The following FANCL variants were observed in gnomAD, a reference collection of about 807,000 sequenced individuals.
FANCL encodes FA complementation group L.
Under a neutral mutation model 59.4 loss-of-function variants are expected in FANCL, and 69 were observed. That is an observed-to-expected ratio of 1.16 (90% confidence interval 0.96 to 1.42). FANCL has a LOEUF of 1.42. FANCL is among the 40% of genes most tolerant of loss of function. The pLI is 0.00. For synonymous variants in FANCL, 180 were observed against 147.1 expected (o/e 1.22, Z -1.62); for missense variants, 519 against 447.2 (o/e 1.16, Z -1.45).
intron 7 of FANCL, among the ~76,000 whole-genome samples, chr2:58,174,961 G>A (rs962114283): frequency 1.4e-4 from 21 of 152,096 alleles, no homozygotes; most frequent in Non-Finnish European, 2.4e-4. Flanking sequence ...CATCACCACC[G>A]ATCCCACAGA....
At chr2:58,176,915 A>G (rs1687384240) in intron 7 of FANCL, among the ~76,000 whole-genome samples, 1 of 152,094 alleles carries the variant, frequency 6.6e-6, no homozygotes, top group African/African-American at 2.4e-5. Context: ...ATCTACAAAG[A>G]ACTCAAACAA....
At chr2:58,230,500 G>GAAGT (rs1221969917) in intron 2 of FANCL, among the ~76,000 whole-genome samples, 1 of 152,048 alleles carries the variant, frequency 6.6e-6, no homozygotes, top group Non-Finnish European at 1.5e-5. Context: ...AATTGTATAA[G>GAAGT]AAGTGATAAG....
rs532531782 is a variant in FANCL at position 58,241,297 on chromosome 2, G to C, written c.17C>G (p.Ala6Gly). Reference sequence around the variant, plus strand: ...CAGGGGGCACTGGCGCAACAGGCTCGCTTCCGTCACCGCCATGGCTCGAAG... The same window carrying C: ...CAGGGGGCACTGGCGCAACAGGCTCCCTTCCGTCACCGCCATGGCTCGAAG... The part of the protein sequence containing the change: MAVTE[A>G]SLLRQCPLLL... Residue 6 changes from alanine (A) to glycine (G), a missense_variant, in exon 1 of 14, where the codon GCG becomes GGG. Physicochemically the swap from Ala to Gly is moderately conservative, Grantham distance 60 (BLOSUM62 0). Transcript: ENST00000233741. The C allele has an allele frequency of 1.9e-6, 3 of 1,614,194 alleles. No individual in the cohort carries two copies. The highest frequency in any genetic ancestry group is 1.1e-5 in the South Asian group (1 of 91,090).
intron 7 of FANCL, among the ~76,000 whole-genome samples, chr2:58,170,736 A>AC (rs1290232840): frequency 1.1e-4 from 16 of 152,136 alleles, no homozygotes; most frequent in Admixed American, 1.0e-3. Flanking sequence ...AGTATCTGAT[A>AC]AAACAGACTT....
At chr2:58,199,008 G>A (rs759420748) in intron 6 of FANCL, among the ~76,000 whole-genome samples, 11 of 138,810 alleles carry the variant, frequency 7.9e-5, no homozygotes, top group African/African-American at 2.2e-4. Flanking sequence ...CAGCCTGGGC[G>A]ACAGAGTGAA....
At chr2:58,194,318 C>A in intron 7 of FANCL, 1 of 470,526 alleles carries the variant, frequency 2.1e-6, no homozygotes. Flanking sequence ...AATATCAGTG[C>A]ACTTAAAATC....
chr2:58,174,444 G>A (rs974936169), intron 7 of FANCL, among the ~76,000 whole-genome samples: 3 of 152,132 alleles, frequency 2.0e-5, no homozygotes, highest in African/African-American at 7.2e-5. Flanking sequence ...CTGTCTCTCA[G>A]ACCACAGTGC....
At chr2:58,176,033 C>A (rs866961667) in intron 7 of FANCL, among the ~76,000 whole-genome samples, 26 of 152,222 alleles carry the variant, frequency 1.7e-4, no homozygotes, top group African/African-American at 6.3e-4. Flanking sequence ...TTCACAATTG[C>A]TTCAAAGAGA....
chr2:58,239,661 T>C (rs1031238489), intron 1 of FANCL, among the ~76,000 whole-genome samples: 2 of 152,206 alleles, frequency 1.3e-5, no homozygotes, highest in Admixed American at 1.3e-4. Context: ...TGGTTATGTA[T>C]GAGTGTGTCC....
chr2:58,187,130 G>A (rs982542848), intron 7 of FANCL, among the ~76,000 whole-genome samples: 8 of 152,058 alleles, frequency 5.3e-5, no homozygotes, highest in Middle Eastern at 3.2e-3. Flanking sequence ...GTTTATTGCG[G>A]CATGATTCAC....
At chr2:58,185,821 C>G (rs139098267) in intron 7 of FANCL, among the ~76,000 whole-genome samples, 93 of 152,206 alleles carry the variant, frequency 6.1e-4, no homozygotes, top group African/African-American at 2.2e-3. Flanking sequence ...AGTTCCATGA[C>G]TAGGGAATAT....
At chr2:58,231,274 T>C (rs1414613277) in intron 2 of FANCL, among the ~76,000 whole-genome samples, 1 of 152,124 alleles carries the variant, frequency 6.6e-6, no homozygotes. Context: ...TCATCTGTTG[T>C]AACTTCCACA....
At chr2:58,225,692 A>T (rs1442321681) in intron 4 of FANCL, among the ~76,000 whole-genome samples, 6 of 152,046 alleles carry the variant, frequency 3.9e-5, no homozygotes, top group Non-Finnish European at 8.8e-5. Flanking sequence ...CTCTAGATCT[A>T]ACTGCCAGAT....
At chr2:58,181,562 T>G (rs556668971) in intron 7 of FANCL, among the ~76,000 whole-genome samples, 3 of 152,022 alleles carry the variant, frequency 2.0e-5, no homozygotes, top group Non-Finnish European at 4.4e-5. Flanking sequence ...CGATGACATA[T>G]TTTGAAGAAA....
In FANCL at chr2:58,165,416, G is replaced by T. The variant is rs1039468465; in HGVS notation, c.691+308C>A. Among the ~76,000 whole-genome samples, 3 of 151,986 alleles carry T rather than the reference G, an allele frequency of 2.0e-5. No individual in the cohort carries two copies. In the East Asian group the frequency reaches 5.8e-4, roughly 29 times the overall value. On this transcript the variant is annotated intron_variant, in intron 8 of 13. Transcript: ENST00000233741. ...ACTGCATTATTCTGACTTTTTTCTT[G>T]TTCTAAGTAATGTAAATTTTGAGTT...
chr2:58,219,023 A>C (rs1409513067), intron 5 of FANCL, among the ~76,000 whole-genome samples: 1 of 150,694 alleles, frequency 6.6e-6, no homozygotes. Flanking sequence ...CCCACATCCT[A>C]GTTTCTAATA....
chr2:58,160,206 A>C, intron 12 of FANCL, 27 bp from the exon 13 acceptor site: 1 of 1,607,618 alleles, frequency 6.2e-7, no homozygotes. Context: ...ATAAAGGAGA[A>C]GCGTCAGCAT....
chr2:58,162,055 G>A (rs1370063124), intron 11 of FANCL, among the ~76,000 whole-genome samples: 2 of 151,782 alleles, frequency 1.3e-5, no homozygotes, highest in Non-Finnish European at 3.0e-5. Flanking sequence ...AGATGTTTGG[G>A]CATCAGTAAT....
chr2:58,234,961 AG>A (rs1204248010), intron 1 of FANCL, among the ~76,000 whole-genome samples: 1 of 152,094 alleles, frequency 6.6e-6, no homozygotes, highest in African/African-American at 2.4e-5. Context: ...CAGCGAGGAC[AG>A]TGATCCTTGA....
Sources: gnomAD v4.1 joint callset for allele counts (sites outside exome capture counted in the v4.1 genomes callset) on GRCh38, gnomAD v4.1.1 for gene constraint, MANE v1.5 for transcripts, NCBI Gene and HGNC (gene_info 2026-07-23, HGNC 2026-07-21) for gene names.